The following DTNB variants were observed in gnomAD, a reference collection of about 807,000 sequenced individuals.
DTNB encodes DTN-B.
Under a neutral mutation model 90.7 loss-of-function variants are expected in DTNB, and 63 were observed. The observed-to-expected ratio is 0.69, with a 90% CI of 0.57 to 0.86. The LOEUF is 0.86. Ranked by LOEUF, DTNB falls within the 40% of genes least tolerant of loss-of-function variation. The probability of loss-of-function intolerance (pLI) is 0.00; values close to 1 mark genes in which losing one functional copy is unlikely to be tolerated. For synonymous variants in DTNB, 277 were observed against 286.7 expected (o/e 0.97, Z 0.34); for missense variants, 744 against 807.1 (o/e 0.92, Z 0.95).
chr2:25,455,909 A>G (rs2150159159), intron 10 of DTNB, among the ~76,000 whole-genome samples: 1 of 152,376 alleles, frequency 6.6e-6, no homozygotes, highest in African/African-American at 2.4e-5. Context: ...TGCTTTTATA[A>G]GCTTTTGTGT....
intron 1 of DTNB, among the ~76,000 whole-genome samples, chr2:25,663,205 T>C (rs193011010): frequency 4.8e-4 from 73 of 152,316 alleles, no homozygotes; most frequent in African/African-American, 1.7e-3. Context: ...GAATGATGGC[T>C]TCCAGCTTCA....
intron 8 of DTNB, among the ~76,000 whole-genome samples, chr2:25,532,188 T>G (rs191181413): frequency 8.3e-4 from 118 of 141,330 alleles, no homozygotes; most frequent in Admixed American, 1.9e-3. Flanking sequence ...GAGGTTGCAG[T>G]GAGCCAAGAT....
chr2:25,377,728 G>A (rs867472057), intron 20 of DTNB, among the ~76,000 whole-genome samples, 175 bp from the exon 21 acceptor site: 2 of 152,194 alleles, frequency 1.3e-5, no homozygotes, highest in African/African-American at 4.8e-5. Flanking sequence ...CATTCCTAAG[G>A]GTCAGGAAGT....
intron 1 of DTNB, among the ~76,000 whole-genome samples, chr2:25,671,985 G>C (rs2086023145): frequency 6.6e-6 from 1 of 151,942 alleles, no homozygotes; most frequent in Non-Finnish European, 1.5e-5. Flanking sequence ...GTGTTCTCTA[G>C]ACAACACTAC....
chr2:25,662,091 G>A (rs948928671), intron 1 of DTNB, among the ~76,000 whole-genome samples: 3 of 152,072 alleles, frequency 2.0e-5, no homozygotes, highest in Non-Finnish European at 2.9e-5. Flanking sequence ...AGGAGGTGGA[G>A]GCTGCAAGGA....
At chr2:25,600,348 T>C (rs1367119934) in intron 5 of DTNB, among the ~76,000 whole-genome samples, 1 of 152,224 alleles carries the variant, frequency 6.6e-6, no homozygotes, top group African/African-American at 2.4e-5. Flanking sequence ...GCTTTCTTCA[T>C]AGAGGCAACT....
rs57551264 is a variant in DTNB, at chr2:25,588,369, C to CT, written c.604-7544dup. ...ATCACAGTATACTCTCTTCCGAGAA[C>CT]TTTTTTTTTTTTTTTGAGACGGAGT... On this transcript the variant is annotated intron_variant, in intron 6 of 20. Coordinates refer to ENST00000406818, the MANE Select transcript of DTNB (RefSeq NM_021907.5). Among the ~76,000 whole-genome samples, 558 of 144,218 alleles carry CT rather than the reference C, an allele frequency of 3.9e-3. 4 individuals are homozygous for CT. Among genetic ancestry groups the CT allele is most frequent in the South Asian group, 5.1e-3 (23 of 4,536 alleles). The allele number at this position is 144,218 out of a possible 152,430, so 94.6% of individuals were successfully genotyped here.
intron 8 of DTNB, among the ~76,000 whole-genome samples, chr2:25,570,406 C>CTAA (rs2059673801): frequency 1.1e-5 from 1 of 89,914 alleles, no homozygotes; most frequent in African/African-American, 5.1e-5. Context: ...TTTCCTGTCT[C>CTAA]AAAAAAAAAA....
At chr2:25,611,433 C>T (rs947684282) in intron 4 of DTNB, among the ~76,000 whole-genome samples, 1 of 152,142 alleles carries the variant, frequency 6.6e-6, no homozygotes. Flanking sequence ...ATACAATCAG[C>T]CCTCAGTATT....
At chr2:25,396,667 A>G (rs1402017099) in intron 16 of DTNB, among the ~76,000 whole-genome samples, 1 of 149,012 alleles carries the variant, frequency 6.7e-6, no homozygotes, top group East Asian at 2.0e-4. Context: ...GAACTTATCC[A>G]TGTAACCAAA....
chr2:25,470,230 A>C (rs993847390), intron 10 of DTNB, among the ~76,000 whole-genome samples: 1 of 152,210 alleles, frequency 6.6e-6, no homozygotes, highest in African/African-American at 2.4e-5. Context: ...CAGGAGGAAG[A>C]CGTACAAAAA....
chr2:25,650,519 A>G (rs1380112135), intron 2 of DTNB, among the ~76,000 whole-genome samples: 2 of 152,254 alleles, frequency 1.3e-5, no homozygotes, highest in Admixed American at 6.5e-5. Flanking sequence ...ATTGCTGGGA[A>G]GTAACACGCA....
chr2:25,518,562 G>T (rs192514099), intron 9 of DTNB, among the ~76,000 whole-genome samples: 3 of 143,408 alleles, frequency 2.1e-5, no homozygotes, highest in Non-Finnish European at 4.6e-5. Flanking sequence ...GCAAGTTCCC[G>T]TCTCCCTCAC....
At chr2:25,436,620 T>C (rs1467976012) in intron 12 of DTNB, among the ~76,000 whole-genome samples, 1 of 152,132 alleles carries the variant, frequency 6.6e-6, no homozygotes, top group Non-Finnish European at 1.5e-5. Flanking sequence ...AATTATCAAG[T>C]GTTTTTCTTT....
intron 4 of DTNB, among the ~76,000 whole-genome samples, chr2:25,617,576 T>C (rs751411122): frequency 5.9e-5 from 9 of 152,208 alleles, no homozygotes; most frequent in Non-Finnish European, 1.3e-4. Flanking sequence ...GTTATAATTG[T>C]ATATTTAAAT....
At chr2:25,629,429 T>C (rs978198721) in intron 3 of DTNB, among the ~76,000 whole-genome samples, 4 of 152,134 alleles carry the variant, frequency 2.6e-5, no homozygotes, top group Admixed American at 2.0e-4. Flanking sequence ...AATATGTCAG[T>C]TAACTGCAGT....
At chr2:25,589,628 C>T (rs548855754) in intron 6 of DTNB, among the ~76,000 whole-genome samples, 24 of 152,036 alleles carry the variant, frequency 1.6e-4, no homozygotes, top group Admixed American at 1.6e-3. Flanking sequence ...GATCCACCCA[C>T]CTCGGCCTGC....
chr2:25,431,520 C>T (rs1424872613), intron 14 of DTNB, among the ~76,000 whole-genome samples: 1 of 152,220 alleles, frequency 6.6e-6, no homozygotes, highest in East Asian at 1.9e-4. Flanking sequence ...TTTCTGATTA[C>T]TCCAACTTCA....
At chr2:25,641,901 A>G (rs1573914855) in intron 2 of DTNB, among the ~76,000 whole-genome samples, 1 of 152,130 alleles carries the variant, frequency 6.6e-6, no homozygotes, top group East Asian at 1.9e-4. Flanking sequence ...GCTTACTGCA[A>G]GCTCTGCCTC....
Sources: allele counts gnomAD v4.1 joint callset (sites outside exome capture counted in the v4.1 genomes callset), GRCh38; gene constraint gnomAD v4.1.1; transcripts MANE v1.5; gene names NCBI Gene and HGNC (gene_info 2026-07-23, HGNC 2026-07-21).